The following FRMD4A variants were observed in gnomAD, a reference collection of about 807,000 sequenced individuals.
FRMD4A encodes the protein FERM domain containing 4A, also known as FERM domain-containing protein 4A.
FRMD4A carries 29 observed loss-of-function variants against 129.1 expected under a neutral mutation model. That is an observed-to-expected ratio of 0.22 (90% CI 0.17 to 0.31). The LOEUF is 0.31. Among genes scored for constraint, FRMD4A ranks in the 10% least tolerant of loss-of-function variants. The pLI is 1.00. For synonymous variants in FRMD4A, 634 were observed against 571.6 expected (o/e 1.11, Z -1.56); for missense variants, 1,272 against 1,375.8 (o/e 0.92, Z 1.19).
chr10:14,140,313 T>C (rs142906503), intron 2 of FRMD4A, among the ~76,000 whole-genome samples: 101 of 152,328 alleles, frequency 6.6e-4, no homozygotes, highest in African/African-American at 2.3e-3. Flanking sequence ...TCCACCTGCC[T>C]TGGCCTCCCA....
chr10:14,328,605 GATAAT>G (rs1843380261), intron 2 of FRMD4A, among the ~76,000 whole-genome samples: 2 of 147,280 alleles, frequency 1.4e-5, no homozygotes, highest in South Asian at 2.2e-4. Flanking sequence ...TAGTGTACTA[GATAAT>G]ATAATATACA....
chr10:13,694,324 A>G (rs1001213171), intron 14 of FRMD4A, among the ~76,000 whole-genome samples: 3 of 152,220 alleles, frequency 2.0e-5, no homozygotes, highest in African/African-American at 7.2e-5. Context: ...TGATTTAGGA[A>G]AAGTGACTTA....
intron 2 of FRMD4A, among the ~76,000 whole-genome samples, chr10:14,185,700 A>C (rs532404620): frequency 2.0e-5 from 3 of 152,334 alleles, no homozygotes; most frequent in African/African-American, 7.2e-5. Flanking sequence ...GCAGCTCAAC[A>C]GTGGCACCTT....
intron 2 of FRMD4A, among the ~76,000 whole-genome samples, chr10:13,892,839 A>T (rs10437551): frequency 1.3e-5 from 2 of 151,854 alleles, no homozygotes; most frequent in Non-Finnish European, 2.9e-5. Context: ...AAAAGAAATC[A>T]CTCACATCCT....
At chr10:13,791,411 G>GT (rs1165064527) in intron 5 of FRMD4A, among the ~76,000 whole-genome samples, 1 of 151,138 alleles carries the variant, frequency 6.6e-6, no homozygotes, top group Non-Finnish European at 1.5e-5. Flanking sequence ...AGGTGTGTGT[G>GT]TGTGTGTGGC....
intron 2 of FRMD4A, among the ~76,000 whole-genome samples, chr10:13,898,496 T>A (rs977704245): frequency 3.3e-5 from 5 of 152,200 alleles, no homozygotes; most frequent in African/African-American, 1.2e-4. Context: ...TCAAATTTAA[T>A]TGGGTTTAGA....
intron 2 of FRMD4A, among the ~76,000 whole-genome samples, chr10:13,997,872 C>T (rs1027439858): frequency 6.6e-6 from 1 of 152,138 alleles, no homozygotes; most frequent in African/African-American, 2.4e-5. Flanking sequence ...TCACCTCTAC[C>T]TCCCAAAGTG....
intron 23 of FRMD4A, chr10:13,653,037 T>A (rs1445356948): frequency 1.3e-5 from 2 of 151,980 alleles, no homozygotes; most frequent in East Asian, 3.9e-4. Flanking sequence ...CTGAGCCTCA[T>A]CTATGAAACG....
chr10:13,899,251 C>T (rs1342705755), intron 2 of FRMD4A, among the ~76,000 whole-genome samples: 1 of 152,230 alleles, frequency 6.6e-6, no homozygotes, highest in Non-Finnish European at 1.5e-5. Context: ...AACCACACAA[C>T]TGATAATAGT....
intron 2 of FRMD4A, among the ~76,000 whole-genome samples, chr10:14,329,454 T>G (rs1404642524): frequency 6.6e-6 from 1 of 152,116 alleles, no homozygotes; most frequent in Non-Finnish European, 1.5e-5. Context: ...CAGAGGGGCA[T>G]AAGGTGAGTC....
At chr10:14,051,551 G>A (rs1834260743) in intron 2 of FRMD4A, among the ~76,000 whole-genome samples, 1 of 152,174 alleles carries the variant, frequency 6.6e-6, no homozygotes, top group Non-Finnish European at 1.5e-5. Context: ...AAGAGGAGCT[G>A]GAAATGAAAT....
chr10:14,215,696 T>C (rs145869954), intron 2 of FRMD4A, among the ~76,000 whole-genome samples: 10 of 152,232 alleles, frequency 6.6e-5, no homozygotes, highest in Admixed American at 1.3e-4. Context: ...GAGGTTCTAT[T>C]TGAGGATCTT....
In FRMD4A at chr10:14,185,165, A is replaced by C. The variant is rs568879221; in HGVS notation, c.45+144893T>G. ...GCATATAGCTCAGAAAGAACCTTTC[A>C]TCCTCCTTTTCCTGTTATGTGTATA... On this transcript the variant is annotated intron_variant, in intron 2 of 24. Coordinates refer to ENST00000357447, the MANE Select transcript of FRMD4A (RefSeq NM_018027.5). Among the ~76,000 whole-genome samples the C allele has an allele frequency of 1.1e-4, 17 of 152,318 alleles. No individual in the cohort carries two copies. In the East Asian group the frequency reaches 2.3e-3, roughly 21 times the overall value.
chr10:13,651,882 A>ACAAAACTCCCCTTACGGTACCTCTATT (rs1564511482), intron 24 of FRMD4A, 21 bp downstream of exon 24: 1 of 1,323,978 alleles, frequency 7.6e-7, no homozygotes, highest in Admixed American at 1.7e-5. Context: ...GGCAGTAGGA[A>ACAAAACTCCCCTTACGGTACCTCTATT]CAAAACTCCC....
intron 6 of FRMD4A, among the ~76,000 whole-genome samples, chr10:13,768,701 C>T (rs2092363764): frequency 6.6e-6 from 1 of 152,070 alleles, no homozygotes; most frequent in African/African-American, 2.4e-5. Flanking sequence ...CCTGAAAGTC[C>T]CATATTCTGG....
intron 2 of FRMD4A, among the ~76,000 whole-genome samples, chr10:14,248,093 C>T (rs78898904): frequency 2.0e-5 from 3 of 152,170 alleles, no homozygotes; most frequent in African/African-American, 4.8e-5. Flanking sequence ...CAATTCCCCA[C>T]GTAACATGAG....
chr10:13,705,624 G>C (rs2087350347), intron 13 of FRMD4A, among the ~76,000 whole-genome samples: 1 of 152,142 alleles, frequency 6.6e-6, no homozygotes, highest in Admixed American at 6.5e-5. Flanking sequence ...CCTGGAAAAT[G>C]AACAGTGAGT....
At chr10:14,219,061 T>C (rs1843166308) in intron 2 of FRMD4A, among the ~76,000 whole-genome samples, 1 of 142,796 alleles carries the variant, frequency 7.0e-6, no homozygotes, top group Non-Finnish European at 1.5e-5. Flanking sequence ...GCTAGGAACA[T>C]AGGAAGTAAG....
At chr10:13,702,567 TGC>T (rs1554852858) in intron 13 of FRMD4A, among the ~76,000 whole-genome samples, 1 of 149,248 alleles carries the variant, frequency 6.7e-6, no homozygotes, top group Non-Finnish European at 1.5e-5. Context: ...TGTGTGTGTG[TGC>T]GCATGCATGT....
Sources: gnomAD v4.1 joint callset for allele counts (sites outside exome capture counted in the v4.1 genomes callset) on GRCh38, gnomAD v4.1.1 for gene constraint, MANE v1.5 for transcripts, NCBI Gene and HGNC (gene_info 2026-07-23, HGNC 2026-07-21) for gene names.